Variants in FN1 observed in about 807,000 individuals in gnomAD.
FN1 encodes fibronectin 1, also known as fibronectin.
Under a neutral mutation model 297.3 loss-of-function variants are expected in FN1, and 106 were observed. That is an observed-to-expected ratio of 0.36 (90% CI 0.30 to 0.42). FN1 has a LOEUF of 0.42. Ranked by LOEUF, FN1 falls within the 10% of genes least tolerant of loss-of-function variation. The probability of loss-of-function intolerance (pLI) is 1.00; values close to 1 mark genes in which losing one functional copy is unlikely to be tolerated. For synonymous variants in FN1, 1,149 were observed against 1,152.6 expected (o/e 1.00, Z 0.06); for missense variants, 2,690 against 3,124.9 (o/e 0.86, Z 3.32).
intron 44 of FN1, among the ~76,000 whole-genome samples, chr2:215,363,876 TGGG>T (rs1300304504): frequency 3.3e-5 from 5 of 152,224 alleles, no homozygotes; most frequent in Non-Finnish European, 7.3e-5. Flanking sequence ...GCTTAAATAA[TGGG>T]TTGCCAAGGC....
In FN1 at chr2:215,433,469, G is replaced by A. The variant is rs779568108; in HGVS notation, c.278-8C>T. On this transcript the variant is annotated splice_region_variant and splice_polypyrimidine_tract_variant and intron_variant, in intron 2 of 45. Coordinates refer to ENST00000354785, the MANE Select transcript of FN1 (RefSeq NM_212482.4). ...CAAAGCAAGTCTCTTCAGCTGAGGG[G>A]AAAAGGAAAGTCCATGTGAGCCTCA... The A allele has an allele frequency of 1.2e-6, 2 of 1,613,184 alleles. No individual in the cohort carries two copies. Among genetic ancestry groups the A allele is most frequent in the African/African-American group, 2.7e-5 (2 of 74,868 alleles).
At chr2:215,407,092 A>C in intron 18 of FN1, 35 bp downstream of exon 18, 1 of 1,518,726 alleles carries the variant, frequency 6.6e-7, no homozygotes, top group African/African-American at 1.4e-5. Flanking sequence ...AATCCTGATA[A>C]GATAACATAG....
Position 215,384,040 on chromosome 2 carries a change from A to G in FN1, c.4874T>C (p.Ile1625Thr), listed in dbSNP as rs1233799396. The G allele has an allele frequency of 1.2e-6, 2 of 1,614,060 alleles. No homozygotes were observed. Among genetic ancestry groups the G allele is most frequent in the African/African-American group, 2.7e-5 (2 of 74,922 alleles). ...RGDSPASSKP[I>T]SINYRTEIDK... ...TGTACCTGTTCGGTAATTAATGGAA[A>G]TTGGCTTGCTGCTTGCGGGGCTGTC... is the stretch of plus-strand genomic sequence containing the variant. Residue 1625 changes from isoleucine to threonine, a missense_variant, in exon 30 of 46, where the codon ATT becomes ACT. By Grantham distance (89) the Ile-to-Thr change is moderately conservative. Transcript: ENST00000354785.
rs1346503456 is a variant in FN1 at position 215,380,963 on chromosome 2, T to G, written c.5282A>C (p.Glu1761Ala). The change falls in exon 33 of 46, where the codon GAG (glutamate) becomes GCG (alanine). Residue 1761 changes from glutamate (E) to alanine (A), a missense_variant. Glu to Ala is a moderately radical substitution (Grantham distance 107). This residue lies in a region of FN1 where 1,743 missense variants were observed against 1,945.2 expected (regional missense o/e 0.90). Coordinates refer to ENST00000354785, the MANE Select transcript of FN1 (RefSeq NM_212482.4). The part of the protein sequence containing the change: ...SRYRVTYSSP[E>A]DGIHELFPAP... ...AGGGAATAGCTCATGGATTCCATCCTCAGGGCTCGAGTAGGTCACCCTGTA... is the reference window on the plus strand; with the variant it reads ...AGGGAATAGCTCATGGATTCCATCCGCAGGGCTCGAGTAGGTCACCCTGTA... 1 of 1,614,112 alleles carries G rather than the reference T, an allele frequency of 6.2e-7. No individual in the cohort carries two copies. The highest frequency in any genetic ancestry group is 8.5e-7 in the Non-Finnish European group (1 of 1,180,052).
At chr2:215,404,774 G>T in intron 19 of FN1, 119 bp from the exon 20 acceptor site, 1 of 978,520 alleles carries the variant, frequency 1.0e-6, no homozygotes, top group Non-Finnish European at 1.6e-6. Flanking sequence ...CTATGTGAAA[G>T]TCAAAACCCT....
Position 215,380,905 on chromosome 2 carries a change from C to A in FN1, c.5340G>T (p.Leu1780=). The A allele has an allele frequency of 6.2e-7, 1 of 1,614,206 alleles. No homozygotes were observed. Among genetic ancestry groups the A allele is most frequent in the Non-Finnish European group, 8.5e-7 (1 of 1,180,034 alleles). Residue 1780 remains leucine (L), a synonymous_variant, in exon 33 of 46, where the codon CTG becomes CTT. Transcript: ENST00000354785. ...APDGEEDTAE[L]QGLRPGSEYT... ...ACTCAGAACCCGGTCTGAGGCCTTG[C>A]AGCTCTGCAGTGTCTTCTTCACCAT...
chr2:215,435,946 AG>A lies in FN1; in HGVS notation c.-145del. ...GAAGGTGGGGGCCAGAGGGTGGGGA[AG>A]GGGACGGGTGGAGGGACAGAAGGGA... On this transcript the variant is annotated 5_prime_UTR_variant, in exon 1 of 46. Transcript: ENST00000354785. 1 of 1,356,042 alleles carries A rather than the reference AG, an allele frequency of 7.4e-7. No homozygotes were observed. The highest frequency in any genetic ancestry group is 1.5e-5 in the African/African-American group (1 of 67,678). The allele number at this position is 1,356,042 out of a possible 1,614,324, so 84.0% of individuals were successfully genotyped here.
rs1159851282 is a variant in FN1, at chr2:215,394,577, A to G, written c.3747T>C (p.Thr1249=). 3 of 1,614,074 alleles carry G rather than the reference A, an allele frequency of 1.9e-6. No homozygotes were observed. Among genetic ancestry groups the G allele is most frequent in the Admixed American group, 1.7e-5 (1 of 60,010 alleles). ...PGLEYNVSVY[T]VKDDKESVPI... is the part of the protein sequence containing the mutation. ...GGACACTTTCCTTGTCATCCTTGAC[A>G]GTGTAAACACTGACATTGTACTCCA... Residue 1249 remains threonine, a synonymous_variant, in exon 24 of 46, where the codon ACT becomes ACC. Coordinates refer to ENST00000354785, the MANE Select transcript of FN1 (RefSeq NM_212482.4).
rs752412988 is a variant in FN1 at position 215,388,284 on chromosome 2, C to G, written c.4270G>C (p.Glu1424Gln). 1.9e-6 allele frequency: 3 copies of G among 1,613,596 alleles called. No homozygotes were observed. Among genetic ancestry groups the G allele is most frequent in the South Asian group, 2.2e-5 (2 of 91,074 alleles). Residue 1424 changes from glutamate (E) to glutamine (Q), a missense_variant, in exon 27 of 46, where the codon GAA becomes CAA. By Grantham distance (29) the Glu-to-Gln change is conservative. Transcript: ENST00000354785. The part of the protein sequence containing the change: ...VVLTNLLPGT[E>Q]YVVSVSSVYE... ...ACACTGGAGACACTCACTACATATT[C>G]TGTACCAGGCAGGAGATCTGTAGGG...
rs774920691 is a variant in FN1 at position 215,419,420 on chromosome 2, G to C, written c.1676-35C>G. On this transcript the variant is annotated intron_variant, in intron 11 of 45. Transcript: ENST00000354785. ...ATGGAAGGAAAAGATAAACAGCCTT[G>C]AAGACTTATAACTACGAATTTAATT... 1.4e-4 allele frequency: 215 copies of C among 1,583,770 alleles called. 1 individual carries two copies. Among genetic ancestry groups the C allele is most frequent in the Non-Finnish European group, 1.8e-4 (212 of 1,152,578 alleles).
At chr2:215,379,828 G>A (rs1221389845) in intron 33 of FN1, 1 of 158,850 alleles carries the variant, frequency 6.3e-6, no homozygotes, top group Non-Finnish European at 1.4e-5. Context: ...GAGTAGCTGG[G>A]ACTACAGGCA....
chr2:215,429,264 G>C (rs550118815), intron 5 of FN1, among the ~76,000 whole-genome samples: 57 of 152,196 alleles, frequency 3.7e-4, no homozygotes, highest in South Asian at 8.3e-4. Flanking sequence ...TAGCAAAATA[G>C]CCCCAAATTA....
chr2:215,420,292 T>C lies in FN1; in HGVS notation c.1675+381A>G, dbSNP rs543560139. Among the ~76,000 whole-genome samples, 8 of 151,960 alleles carry C rather than the reference T, an allele frequency of 5.3e-5. No individual in the cohort carries two copies. In the South Asian group the frequency reaches 1.5e-3, roughly 28 times the overall value. On this transcript the variant is annotated intron_variant, in intron 11 of 45. Transcript: ENST00000354785. ...AAGCAGAGGTTGCAGTGAGCCGAGATTGTGCCATACACTCCAGCCTGGGCA... is the reference window on the plus strand; with the variant it reads ...AAGCAGAGGTTGCAGTGAGCCGAGACTGTGCCATACACTCCAGCCTGGGCA...
Position 215,419,232 on chromosome 2 carries a change from A to G in FN1, c.1819+10T>C, listed in dbSNP as rs2063861878. On this transcript the variant is annotated intron_variant, in intron 12 of 45. Coordinates refer to ENST00000354785, the MANE Select transcript of FN1 (RefSeq NM_212482.4). Reference sequence around the variant, plus strand: ...GGCAGTTCTCAACTTGCAGTAATAGAGCTACTTACTTGGATAGGTCTGTAA... The same window carrying G: ...GGCAGTTCTCAACTTGCAGTAATAGGGCTACTTACTTGGATAGGTCTGTAA... 1 of 1,613,352 alleles carries G rather than the reference A, an allele frequency of 6.2e-7. No homozygotes were observed. Among genetic ancestry groups the G allele is most frequent in the African/African-American group, 1.3e-5 (1 of 75,006 alleles).
At chr2:215,383,810 A>T (rs554106413) in intron 30 of FN1, among the ~76,000 whole-genome samples, 2 of 152,318 alleles carry the variant, frequency 1.3e-5, no homozygotes, top group South Asian at 4.1e-4. Flanking sequence ...CATGCGGAAT[A>T]TATCGACAAA....
In FN1 at chr2:215,371,824, T is replaced by A. The variant is rs1358110879; in HGVS notation, c.6714+85A>T. The A allele has an allele frequency of 7.1e-6, 9 of 1,268,462 alleles. No homozygotes were observed. In the South Asian group the frequency reaches 9.7e-5, roughly 14 times the overall value. The allele number at this position is 1,268,462 out of a possible 1,614,324, so 78.6% of individuals were successfully genotyped here. ...CATCACACCCGGCCATGAAGCCACT[T>A]TTTATTCGAGGGCTGGTCACTTCAG... is the stretch of plus-strand genomic sequence containing the variant. On this transcript the variant is annotated intron_variant, in intron 40 of 45. Transcript: ENST00000354785.
At chr2:215,385,666 A>G (rs2058857423) in intron 28 of FN1, among the ~76,000 whole-genome samples, 1 of 152,012 alleles carries the variant, frequency 6.6e-6, no homozygotes, top group Non-Finnish European at 1.5e-5. Flanking sequence ...TACAGATAAC[A>G]TGATGCTACT....
In FN1 at chr2:215,431,972, A is replaced by C; in HGVS notation, c.416-8T>G. The C allele has an allele frequency of 6.2e-7, 1 of 1,614,134 alleles. No homozygotes were observed. Among genetic ancestry groups the C allele is most frequent in the Non-Finnish European group, 8.5e-7 (1 of 1,180,008 alleles). On this transcript the variant is annotated splice_polypyrimidine_tract_variant and splice_region_variant and intron_variant, in intron 3 of 45. Transcript: ENST00000354785. ...CCCCTTCATGGCAGCGGTCTGTTGAAGATACAACGAAAATGTTAGGAGAGG... is the reference window on the plus strand; with the variant it reads ...CCCCTTCATGGCAGCGGTCTGTTGACGATACAACGAAAATGTTAGGAGAGG...
chr2:215,372,576 T>G, intron 39 of FN1: 1 of 612,996 alleles, frequency 1.6e-6, no homozygotes, highest in Admixed American at 2.8e-5. Flanking sequence ...CTTTATAGTT[T>G]AGAAAGAAAA....
Sources: gnomAD v4.1 joint callset for allele counts (sites outside exome capture counted in the v4.1 genomes callset) on GRCh38, gnomAD v4.1.1 for gene constraint, gnomAD v4.1.1 regional missense constraint, MANE v1.5 for transcripts, NCBI Gene and HGNC (gene_info 2026-07-23, HGNC 2026-07-21) for gene names.